The following MAML3 variants were observed in gnomAD, a reference collection of about 807,000 sequenced individuals.
The protein encoded by MAML3 is mastermind-like protein 3.
A neutral mutation model predicts 101.9 loss-of-function variants in MAML3; 27 were observed. That is an observed-to-expected ratio of 0.27 (90% CI 0.20 to 0.37). MAML3 has a LOEUF of 0.37. MAML3 is among the 10% of genes least tolerant of loss of function. The pLI is 1.00. For missense variants in MAML3, 1,316 were observed against 1,444.9 expected (o/e 0.91, Z 1.45); for synonymous variants, 501 against 555.9 (o/e 0.90, Z 1.39).
chr4:139,887,650 G>A (rs11945423), intron 2 of MAML3, among the ~76,000 whole-genome samples: 3,109 of 152,306 alleles, frequency 0.02, 100 homozygotes, highest in African/African-American at 0.071. Context: ...GCACTCACAT[G>A]TCTGCAGAGC....
intron 1 of MAML3, among the ~76,000 whole-genome samples, chr4:140,130,045 C>T (rs975076707): frequency 6.6e-6 from 1 of 151,484 alleles, no homozygotes; most frequent in Non-Finnish European, 1.5e-5. Flanking sequence ...GGAAAACGCA[C>T]CAATAATAAA....
chr4:139,743,036 T>C (rs768607351), intron 2 of MAML3, among the ~76,000 whole-genome samples: 2 of 152,140 alleles, frequency 1.3e-5, no homozygotes, highest in Non-Finnish European at 2.9e-5. Context: ...TACCACCCCC[T>C]CATTTTTCCC....
intron 2 of MAML3, among the ~76,000 whole-genome samples, chr4:139,751,872 TA>T (rs1283317523): frequency 6.6e-6 from 1 of 152,186 alleles, no homozygotes; most frequent in Non-Finnish European, 1.5e-5. Context: ...TGTCTGCATG[TA>T]AGGTTACAGT....
At chr4:140,030,925 G>A (rs1263314722) in intron 1 of MAML3, among the ~76,000 whole-genome samples, 1 of 152,208 alleles carries the variant, frequency 6.6e-6, no homozygotes, top group Admixed American at 6.5e-5. Context: ...AAATTACAGA[G>A]GTTGGTAACA....
intron 1 of MAML3, among the ~76,000 whole-genome samples, chr4:139,988,588 G>A (rs1308528032): frequency 6.6e-6 from 1 of 152,138 alleles, no homozygotes; most frequent in African/African-American, 2.4e-5. Flanking sequence ...GCCATTTACA[G>A]ATCACTTCAG....
chr4:140,108,441 G>A (rs1299612884), intron 1 of MAML3, among the ~76,000 whole-genome samples: 1 of 151,686 alleles, frequency 6.6e-6, no homozygotes, highest in African/African-American at 2.4e-5. Flanking sequence ...TGAAACCACA[G>A]ATCAAAGAAA....
intron 2 of MAML3, among the ~76,000 whole-genome samples, chr4:139,826,122 C>T (rs548089902): frequency 4.6e-5 from 7 of 151,904 alleles, no homozygotes; most frequent in Non-Finnish European, 1.0e-4. Flanking sequence ...AAGCTTTTTC[C>T]TTCGCACGTG....
At chr4:139,821,042 A>G (rs116004199) in intron 2 of MAML3, among the ~76,000 whole-genome samples, 2,192 of 152,332 alleles carry the variant, frequency 0.014, 30 homozygotes, top group Non-Finnish European at 0.022. Flanking sequence ...TTGCTATGAG[A>G]AAAACCATTG....
chr4:140,038,543 A>G lies in MAML3; in HGVS notation c.468+114317T>C, dbSNP rs376501848. ...TGTTTGTCCTGAGGAAGTATCACAC[A>G]TATTTAGAGCAATGGCTCCTAGGCC... On this transcript the variant is annotated intron_variant, in intron 1 of 4. Transcript: ENST00000509479. 6.2e-4 allele frequency among the ~76,000 whole-genome samples: 95 copies of G among 152,312 alleles called. No individual in the cohort carries two copies. The Middle Eastern group carries it at 0.017, about 27-fold the overall frequency.
At chr4:139,821,973 G>C (rs1347609804) in intron 2 of MAML3, among the ~76,000 whole-genome samples, 3 of 152,094 alleles carry the variant, frequency 2.0e-5, no homozygotes, top group Non-Finnish European at 1.5e-5. Flanking sequence ...GATAAAACCA[G>C]AAGCAAACCA....
chr4:139,764,206 G>A (rs1387410992), intron 2 of MAML3, among the ~76,000 whole-genome samples: 1 of 152,232 alleles, frequency 6.6e-6, no homozygotes, highest in Non-Finnish European at 1.5e-5. Flanking sequence ...CTGCTGACAA[G>A]CAATCCTGCT....
At chr4:140,133,723 A>G (rs1030478714) in intron 1 of MAML3, among the ~76,000 whole-genome samples, 1 of 152,192 alleles carries the variant, frequency 6.6e-6, no homozygotes, top group African/African-American at 2.4e-5. Flanking sequence ...AAGGTAGAAC[A>G]GTCAAAAACC....
intron 1 of MAML3, among the ~76,000 whole-genome samples, chr4:139,926,373 C>T (rs755104003): frequency 6.6e-5 from 10 of 152,108 alleles, no homozygotes; most frequent in Non-Finnish European, 1.2e-4. Context: ...CCGAGGCGGG[C>T]GGATCACCTG....
At chr4:139,911,890 G>T (rs1483121124) in intron 1 of MAML3, among the ~76,000 whole-genome samples, 2 of 152,212 alleles carry the variant, frequency 1.3e-5, no homozygotes, top group Non-Finnish European at 2.9e-5. Context: ...AAGCCATGTA[G>T]TATTTGGTAT....
chr4:139,719,827 C>T lies in MAML3; in HGVS notation c.2913G>A (p.Met971Ile). The change falls in exon 5 of 5, where the codon ATG becomes ATA. Residue 971 changes from methionine (M) to isoleucine (I), a missense_variant. Coordinates refer to ENST00000509479, the MANE Select transcript of MAML3 (RefSeq NM_018717.5). ...CCAATTCTCCACTAGTCCTCCCAGG[C>T]ATGCCCTGCAAGCTCCTCTGTTGCC... is the stretch of plus-strand genomic sequence containing the variant. ...QSWQQRSLQG[M>I]PGRTSGELGP... is the part of the protein sequence containing the mutation. The T allele has an allele frequency of 6.2e-7, 1 of 1,613,576 alleles. No individual in the cohort carries two copies. The highest frequency in any genetic ancestry group is 8.5e-7 in the Non-Finnish European group (1 of 1,179,896).
At chr4:140,076,449 A>G (rs1167414489) in intron 1 of MAML3, among the ~76,000 whole-genome samples, 1 of 152,100 alleles carries the variant, frequency 6.6e-6, no homozygotes, top group Non-Finnish European at 1.5e-5. Context: ...AAGGAGACAA[A>G]TGAGACTTTT....
chr4:140,112,625 A>G (rs976427917), intron 1 of MAML3, among the ~76,000 whole-genome samples: 5 of 152,214 alleles, frequency 3.3e-5, no homozygotes, highest in African/African-American at 1.2e-4. Flanking sequence ...AGAGTTCCAA[A>G]GCAATAATGC....
rs1032584127 is a variant in MAML3, at chr4:140,127,162, A to G, written c.468+25698T>C. 2.6e-5 allele frequency among the ~76,000 whole-genome samples: 4 copies of G among 152,154 alleles called. No homozygotes were observed. The South Asian group carries it at 6.2e-4, about 24-fold the overall frequency. ...CACGTCCTAATGCCTTGCCTCTCTC[A>G]CCAGCCTCTTCTTCCACCACTTTAC... On this transcript the variant is annotated intron_variant, in intron 1 of 4. Coordinates refer to ENST00000509479, the MANE Select transcript of MAML3 (RefSeq NM_018717.5).
intron 1 of MAML3, among the ~76,000 whole-genome samples, chr4:139,954,523 G>A (rs1028395167): frequency 6.6e-6 from 1 of 152,194 alleles, no homozygotes; most frequent in Admixed American, 6.5e-5. Flanking sequence ...CAGAATGCAC[G>A]GAGTGGGGAA....
Sources: allele counts gnomAD v4.1 joint callset (sites outside exome capture counted in the v4.1 genomes callset), GRCh38; gene constraint gnomAD v4.1.1; transcripts MANE v1.5; gene names NCBI Gene and HGNC (gene_info 2026-07-23, HGNC 2026-07-21).